The following RAB9B variants were observed in gnomAD, a reference collection of about 807,000 sequenced individuals.
RAB9B encodes the protein ras-related protein Rab-9B.
In RAB9B, 1 loss-of-function variant was observed where a neutral mutation model predicts 8.9. The observed-to-expected ratio is 0.11, with a 90% CI of 0.04 to 0.53. The LOEUF (loss-of-function observed/expected upper bound fraction) is 0.53. Ranked by LOEUF, RAB9B falls within the 20% of genes least tolerant of loss-of-function variation. RAB9B has a pLI of 0.93. For missense variants in RAB9B, 82 were observed against 152.9 expected (o/e 0.54, Z 2.45); for synonymous variants, 63 against 57.0 (o/e 1.10, Z -0.47).
At chrX:103,796,301 CA>C in the RAB9B span, among the ~76,000 whole-genome samples, 1 of 111,025 alleles carries the variant, frequency 9.0e-6, no homozygotes, top group Admixed American at 9.6e-5. Context: ...GCCAACATTG[CA>C]AAACTAAAAA....
chrX:103,828,438 C>T (rs1379895045), intron 1 of RAB9B, among the ~76,000 whole-genome samples: 1 of 111,936 alleles, frequency 8.9e-6, no homozygotes, highest in African/African-American at 3.3e-5. Context: ...CAAGTGTTAG[C>T]ACACTTTTTT....
the RAB9B span, among the ~76,000 whole-genome samples, chrX:103,780,439 C>CTG: frequency 0.013 from 1,282 of 102,496 alleles, 9 homozygotes; most frequent in East Asian, 0.027. Context: ...CTGTCTCTCT[C>CTG]TGTGTGTGTG....
the RAB9B span, among the ~76,000 whole-genome samples, chrX:103,803,822 C>T: frequency 5.3e-5 from 6 of 112,372 alleles, no homozygotes; most frequent in African/African-American, 9.7e-5. Flanking sequence ...GTGATCCACC[C>T]GCCTCAGACT....
chrX:103,818,749 AT>A (rs770290103), downstream of RAB9B, among the ~76,000 whole-genome samples: 118 of 111,233 alleles, frequency 1.1e-3, no homozygotes, highest in African/African-American at 3.7e-3. Context: ...AAATACATAA[AT>A]ATATTAAAAT....
At chrX:103,831,951 G>C (rs1346088984) in intron 1 of RAB9B, 109 bp downstream of exon 1, 3 of 111,632 alleles carry the variant, frequency 2.7e-5, no homozygotes, top group Non-Finnish European at 3.8e-5. Context: ...GTGGTCCTGG[G>C]GATCAACTAG....
At position 103,825,581 on chromosome X, in the gene RAB9B, A is replaced by T; in HGVS notation, c.204T>A (p.Arg68=). Residue 68 remains arginine, a synonymous_variant, in exon 3 of 3, where the codon CGT becomes CGA. Transcript: ENST00000243298. ...LQIWDTAGQE[R]FKSLRTPFYR... ...AGAAGGGTGTCCTAAGGCTCTTGAA[A>T]CGTTCCTGCCCTGCAGTGTCCCAGA... 1 of 1,211,880 alleles carries T rather than the reference A, an allele frequency of 8.3e-7. No individual in the cohort carries two copies. Among genetic ancestry groups the T allele is most frequent in the Non-Finnish European group, 1.1e-6 (1 of 895,472 alleles).
At chrX:103,826,818 G>A (rs768961028) in intron 2 of RAB9B, among the ~76,000 whole-genome samples, 187 bp downstream of exon 2, 2 of 111,759 alleles carry the variant, frequency 1.8e-5, no homozygotes, top group East Asian at 2.8e-4. Flanking sequence ...ATCACTAATC[G>A]AAGGAGTGCA....
the RAB9B span, among the ~76,000 whole-genome samples, chrX:103,784,717 C>T: frequency 8.9e-6 from 1 of 112,263 alleles, no homozygotes; most frequent in African/African-American, 3.2e-5. Context: ...CCTGGAACTC[C>T]AAGTGCATTT....
At chrX:103,808,676 G>C in the RAB9B span, among the ~76,000 whole-genome samples, 1 of 112,916 alleles carries the variant, frequency 8.9e-6, no homozygotes, top group Non-Finnish European at 1.9e-5. Context: ...GCAGCTGTAA[G>C]AGAAACTCTG....
the RAB9B span, among the ~76,000 whole-genome samples, chrX:103,812,220 A>G: frequency 9.0e-6 from 1 of 110,944 alleles, no homozygotes; most frequent in Non-Finnish European, 1.9e-5. Context: ...TTAATAGCTA[A>G]CTGTAATTAC....
chrX:103,787,759 T>C, the RAB9B span: 2 of 1,134,957 alleles, frequency 1.8e-6, no homozygotes, highest in African/African-American at 3.6e-5. Context: ...ATCTGCAGGC[T>C]GATGCTGATT....
the RAB9B span, among the ~76,000 whole-genome samples, chrX:103,816,585 T>A: frequency 8.9e-6 from 1 of 111,938 alleles, no homozygotes; most frequent in Non-Finnish European, 1.9e-5. Flanking sequence ...ACAAATGGGA[T>A]CTAATTAAAC....
rs2074694999 is a variant in RAB9B at position 103,829,343 on chromosome X, C to A, written c.-116-2265G>T. Among the ~76,000 whole-genome samples, 6 of 112,077 alleles carry A rather than the reference C, an allele frequency of 5.4e-5. No homozygotes were observed. In the Admixed American group the frequency reaches 5.7e-4, roughly 11 times the overall value. The stretch of plus-strand genomic sequence containing the variant: ...GATATTTGAGAAAACACTACAGTGC[C>A]TATTGTGTGTTGTGTCCTTACTAAG... On this transcript the variant is annotated intron_variant, in intron 1 of 2. Coordinates refer to ENST00000243298, the MANE Select transcript of RAB9B (RefSeq NM_016370.4).
the RAB9B span, among the ~76,000 whole-genome samples, chrX:103,812,924 T>G: frequency 3.0e-5 from 3 of 101,057 alleles, no homozygotes; most frequent in African/African-American, 7.2e-5. Flanking sequence ...GGTTCCTGAG[T>G]TTTTTTTTTT....
At chrX:103,784,868 C>T in the RAB9B span, among the ~76,000 whole-genome samples, 3 of 111,983 alleles carry the variant, frequency 2.7e-5, no homozygotes, top group Non-Finnish European at 5.6e-5. Context: ...CGTATAACAC[C>T]CAGCATAATG....
the RAB9B span, chrX:103,787,962 G>A: frequency 8.3e-7 from 1 of 1,204,833 alleles, no homozygotes. Context: ...ATGCCAGAAT[G>A]TATGGTGAGT....
At chrX:103,777,666 G>T in the RAB9B span, among the ~76,000 whole-genome samples, 3 of 112,031 alleles carry the variant, frequency 2.7e-5, no homozygotes, top group Admixed American at 9.4e-5. Flanking sequence ...AAGGCTCTTT[G>T]CTGTGACAAG....
the RAB9B span, among the ~76,000 whole-genome samples, chrX:103,807,036 A>G: frequency 1.8e-5 from 2 of 112,179 alleles, no homozygotes; most frequent in African/African-American, 6.5e-5. Flanking sequence ...CTTATCTTCC[A>G]CATGCCAGGA....
the RAB9B span, among the ~76,000 whole-genome samples, chrX:103,794,720 A>G: frequency 8.9e-6 from 1 of 112,414 alleles, no homozygotes; most frequent in African/African-American, 3.2e-5. Flanking sequence ...AATACTCATT[A>G]TTATATTTAC....
Sources: allele counts gnomAD v4.1 joint callset (sites outside exome capture counted in the v4.1 genomes callset), GRCh38; gene constraint gnomAD v4.1.1; transcripts MANE v1.5; gene names NCBI Gene and HGNC (gene_info 2026-07-23, HGNC 2026-07-21).